Variants in KNTC1 observed in about 807,000 individuals in gnomAD.
The protein encoded by KNTC1 is kinetochore-associated protein 1.
Under a neutral mutation model 314.4 loss-of-function variants are expected in KNTC1, and 253 were observed. That is an observed-to-expected ratio of 0.80 (90% CI 0.73 to 0.89). The LOEUF is 0.89. KNTC1 is among the 40% of genes least tolerant of loss of function. The pLI, the probability that KNTC1 is intolerant of heterozygous loss-of-function variation, is 0.00. For synonymous variants in KNTC1, 901 were observed against 901.4 expected (o/e 1.00, Z 0.01); for missense variants, 2,475 against 2,572.9 (o/e 0.96, Z 0.82).
At chr12:122,600,292 T>A (rs908904913) in intron 44 of KNTC1, among the ~76,000 whole-genome samples, 1 of 152,106 alleles carries the variant, frequency 6.6e-6, no homozygotes, top group Non-Finnish European at 1.5e-5. Flanking sequence ...AGAGACAAGA[T>A]TTCGCCATGT....
chr12:122,608,423 C>T (rs762702326), intron 51 of KNTC1, among the ~76,000 whole-genome samples: 1 of 152,162 alleles, frequency 6.6e-6, no homozygotes, highest in Non-Finnish European at 1.5e-5. Flanking sequence ...AACCACTGCA[C>T]CTGGCCACCA....
chr12:122,598,725 G>A (rs145141319), intron 44 of KNTC1, among the ~76,000 whole-genome samples: 128 of 152,078 alleles, frequency 8.4e-4, no homozygotes, highest in African/African-American at 2.9e-3. Flanking sequence ...CCAGTGAACC[G>A]TCATTTTTGA....
chr12:122,556,742 C>T (rs1018246478), intron 16 of KNTC1, among the ~76,000 whole-genome samples: 5 of 151,920 alleles, frequency 3.3e-5, no homozygotes, highest in South Asian at 2.1e-4. Context: ...GGATTACAGG[C>T]GTGAGCCACC....
intron 31 of KNTC1, 29 bp from the exon 32 acceptor site, chr12:122,579,876 T>A (rs759399012): frequency 6.6e-6 from 10 of 1,517,784 alleles, no homozygotes; most frequent in South Asian, 1.1e-5. Context: ...GGAAGTAGAT[T>A]TTATTTCGCT....
chr12:122,574,701 A>C (rs1194411107), intron 27 of KNTC1, among the ~76,000 whole-genome samples: 1 of 152,148 alleles, frequency 6.6e-6, no homozygotes, highest in Non-Finnish European at 1.5e-5. Context: ...TGCCTGCTTC[A>C]TTCTCCTAAA....
intron 59 of KNTC1, chr12:122,620,243 G>C (rs1415489198): frequency 1.1e-5 from 3 of 274,032 alleles, no homozygotes; most frequent in African/African-American, 6.7e-5. Context: ...TAGGCTTTCA[G>C]ACATAATCAT....
chr12:122,624,883 G>GC (rs1874850944), intron 63 of KNTC1, 195 bp downstream of exon 63: 1 of 550,132 alleles, frequency 1.8e-6, no homozygotes, highest in Non-Finnish European at 3.3e-6. Flanking sequence ...TCTCAGCCCT[G>GC]CCACTGGGCA....
At chr12:122,549,107 G>A (rs77571414) in intron 12 of KNTC1, among the ~76,000 whole-genome samples, 1,608 of 152,258 alleles carry the variant, frequency 0.011, 27 homozygotes, top group African/African-American at 0.037. Context: ...ACAGGAGTGT[G>A]TGTAGTGGTG....
At chr12:122,560,403 T>C (rs7301815) in intron 18 of KNTC1, among the ~76,000 whole-genome samples, 70,269 of 151,832 alleles carry the variant, frequency 0.46, 19,185 homozygotes, top group African/African-American at 0.77. Flanking sequence ...GAGTCTCACT[T>C]TGTCTCCCAG....
At chr12:122,615,143 C>G (rs1873631710) in intron 56 of KNTC1, 57 bp downstream of exon 56, 1 of 1,225,210 alleles carries the variant, frequency 8.2e-7, no homozygotes, top group South Asian at 1.3e-5. Context: ...GCACAGCATC[C>G]CCTAAACATT....
At chr12:122,594,250 C>A in intron 42 of KNTC1, 26 bp from the exon 43 acceptor site, 1 of 1,351,950 alleles carries the variant, frequency 7.4e-7, no homozygotes, top group South Asian at 1.2e-5. Context: ...GGTTTTTTTG[C>A]TTTGTTTTTT....
At chr12:122,592,231 C>A (rs7972728) in intron 42 of KNTC1, among the ~76,000 whole-genome samples, 119,102 of 152,158 alleles carry the variant, frequency 0.78, 47,088 homozygotes, top group African/African-American at 0.88. Context: ...GCTGTGCTCG[C>A]TTTCTCGCCG....
At chr12:122,578,260 T>G (rs912667349) in intron 31 of KNTC1, among the ~76,000 whole-genome samples, 1 of 152,106 alleles carries the variant, frequency 6.6e-6, no homozygotes, top group African/African-American at 2.4e-5. Context: ...TGATTTTTAA[T>G]TTTTTCTCTT....
chr12:122,530,358 A>G (rs1161908492), intron 2 of KNTC1, among the ~76,000 whole-genome samples, 166 bp downstream of exon 2: 2 of 152,070 alleles, frequency 1.3e-5, no homozygotes, highest in East Asian at 1.9e-4. Flanking sequence ...CCTCTGCATC[A>G]TGTCAGGATC....
Position 122,577,697 on chromosome 12 carries a change from A to T in KNTC1, c.2747A>T (p.Lys916Met). The change falls in exon 31 of 64, where the codon AAG becomes ATG. Residue 916 changes from lysine (K) to methionine (M), a missense_variant. Coordinates refer to ENST00000333479, the MANE Select transcript of KNTC1 (RefSeq NM_014708.6). ...GGTGAAGACTGTCTCCTTCTGTTGA[A>T]GTCTTTGCCTCCTGCTGAAGCTGAG... is the stretch of plus-strand genomic sequence containing the variant. ...EQGEDCLLLL[K>M]SLPPAEAEKT... 1 of 1,613,700 alleles carries T rather than the reference A, an allele frequency of 6.2e-7. No individual in the cohort carries two copies. Among genetic ancestry groups the T allele is most frequent in the Non-Finnish European group, 8.5e-7 (1 of 1,179,762 alleles).
At chr12:122,543,572 A>T in intron 6 of KNTC1, 28 bp from the exon 7 acceptor site, 1 of 1,498,664 alleles carries the variant, frequency 6.7e-7, no homozygotes, top group Middle Eastern at 1.7e-4. Context: ...AATACTATAC[A>T]TTTAGCCTGC....
chr12:122,535,573 G>T (rs1961732115), intron 3 of KNTC1, among the ~76,000 whole-genome samples: 1 of 152,054 alleles, frequency 6.6e-6, no homozygotes, highest in East Asian at 1.9e-4. Context: ...AACCTGGGAG[G>T]TGGAGGTTGC....
chr12:122,605,147 T>A, intron 50 of KNTC1, 60 bp downstream of exon 50: 1 of 1,397,826 alleles, frequency 7.2e-7, no homozygotes, highest in African/African-American at 1.4e-5. Context: ...TTCTCAGTTT[T>A]ATGTATATAT....
chr12:122,625,403 CA>C (rs953821270), intron 63 of KNTC1, among the ~76,000 whole-genome samples: 5 of 145,600 alleles, frequency 3.4e-5, no homozygotes, highest in Non-Finnish European at 6.1e-5. Context: ...ACTCTGTCTC[CA>C]AAAAAAAAAT....
Sources: allele counts gnomAD v4.1 joint callset (sites outside exome capture counted in the v4.1 genomes callset), GRCh38; gene constraint gnomAD v4.1.1; transcripts MANE v1.5; gene names NCBI Gene and HGNC (gene_info 2026-07-23, HGNC 2026-07-21).